The following CAST variants were observed in gnomAD, a reference collection of about 807,000 sequenced individuals.
CAST encodes the protein calpastatin.
In CAST, 76 loss-of-function variants were observed where a neutral mutation model predicts 119.6. The ratio of observed to expected loss-of-function variants is 0.64; its 90% CI spans 0.53 to 0.77. The LOEUF is 0.77. Ranked by LOEUF, CAST falls within the 30% of genes least tolerant of loss-of-function variation. The pLI, the probability that CAST is intolerant of heterozygous loss-of-function variation, is 0.00. For synonymous variants in CAST, 319 were observed against 331.6 expected, an observed-to-expected ratio of 0.96 and a Z score of 0.41; for missense variants, 953 against 946.5, an observed-to-expected ratio of 1.01 and a Z score of -0.09.
chr5:96,587,069 T>C (rs2150190633), intron 1 of CAST, among the ~76,000 whole-genome samples: 1 of 152,368 alleles, frequency 6.6e-6, no homozygotes, highest in South Asian at 2.1e-4. Flanking sequence ...GCCTCAGCTA[T>C]TATTGAACAG....
At chr5:96,189,567 A>G in the CAST span, among the ~76,000 whole-genome samples, 2 of 152,096 alleles carry the variant, frequency 1.3e-5, no homozygotes, top group East Asian at 3.9e-4. Flanking sequence ...GCAAAAAAGT[A>G]ATTTACTTTC....
At chr5:96,473,770 C>T in the CAST span, among the ~76,000 whole-genome samples, 182 of 152,214 alleles carry the variant, frequency 1.2e-3, no homozygotes, top group African/African-American at 3.9e-3. Context: ...ACTGACTGGG[C>T]GCATGACTGG....
intron 1 of CAST, among the ~76,000 whole-genome samples, chr5:96,561,804 T>TTTTTTTC (rs1746375248): frequency 2.6e-5 from 2 of 76,274 alleles, no homozygotes; most frequent in Non-Finnish European, 5.0e-5. Flanking sequence ...TTGTTTTTTT[T>TTTTTTTC]TTTTTTGAGA....
chr5:96,368,297 C>T, the CAST span, among the ~76,000 whole-genome samples: 127 of 151,862 alleles, frequency 8.4e-4, 1 homozygote, highest in African/African-American at 2.8e-3. Flanking sequence ...GTCAGGAGTT[C>T]GAGACCAGCC....
the CAST span, among the ~76,000 whole-genome samples, chr5:96,212,119 C>T: frequency 6.6e-6 from 1 of 151,936 alleles, no homozygotes; most frequent in African/African-American, 2.4e-5. Context: ...TTTCTGGTTT[C>T]ACATTAATTT....
the CAST span, among the ~76,000 whole-genome samples, chr5:96,053,660 CTT>C: frequency 6.6e-6 from 1 of 152,176 alleles, no homozygotes; most frequent in South Asian, 2.1e-4. Flanking sequence ...ATCAGTATCA[CTT>C]ATGACTTTTC....
chr5:96,491,175 C>T, the CAST span, among the ~76,000 whole-genome samples: 1 of 152,098 alleles, frequency 6.6e-6, no homozygotes, highest in African/African-American at 2.4e-5. Context: ...TCTGTACACT[C>T]ACCAGAGTGA....
intron 1 of CAST, among the ~76,000 whole-genome samples, chr5:96,566,584 A>G (rs538319111): frequency 2.6e-5 from 4 of 152,310 alleles, no homozygotes; most frequent in Non-Finnish European, 2.9e-5. Context: ...GACCCACTGT[A>G]TTCACTTACT....
the CAST span, among the ~76,000 whole-genome samples, chr5:96,286,116 A>T: frequency 6.6e-6 from 1 of 152,244 alleles, no homozygotes; most frequent in Non-Finnish European, 1.5e-5. Flanking sequence ...AAGATATAAG[A>T]GTTGCCCTTG....
chr5:96,392,922 A>G, the CAST span: 1 of 1,425,412 alleles, frequency 7.0e-7, no homozygotes, highest in Non-Finnish European at 9.9e-7. Flanking sequence ...TCATGACAAA[A>G]CAACCACTTC....
At chr5:96,036,293 C>T in the CAST span, among the ~76,000 whole-genome samples, 2 of 151,974 alleles carry the variant, frequency 1.3e-5, no homozygotes, top group South Asian at 4.2e-4. Flanking sequence ...AGATTTTGAA[C>T]TAAATGAATT....
chr5:96,666,828 C>G (rs1355783110), intron 1 of CAST, among the ~76,000 whole-genome samples: 1 of 152,120 alleles, frequency 6.6e-6, no homozygotes, highest in Non-Finnish European at 1.5e-5. Context: ...GGGGTGGGAA[C>G]AGTGGGGGGT....
chr5:96,324,849 CA>C, the CAST span, among the ~76,000 whole-genome samples: 3 of 151,844 alleles, frequency 2.0e-5, no homozygotes, highest in Non-Finnish European at 4.4e-5. Flanking sequence ...CAAGAGTAAA[CA>C]GGTTCTTATA....
chr5:96,642,651 C>T (rs1684718430), intron 1 of CAST, among the ~76,000 whole-genome samples: 2 of 151,516 alleles, frequency 1.3e-5, no homozygotes, highest in Admixed American at 6.6e-5. Context: ...AAGCAATTCT[C>T]GTGCTTCAGC....
chr5:96,629,211 G>C, intron 1 of CAST, among the ~76,000 whole-genome samples: 1 of 152,170 alleles, frequency 6.6e-6, no homozygotes, highest in Non-Finnish European at 1.5e-5. Context: ...CCAGCCTCTG[G>C]TACCTCTCTC....
In CAST at chr5:96,644,849, G is replaced by A. The variant is rs535954388; in HGVS notation, c.61-30690G>A. Among the ~76,000 whole-genome samples, 7 of 152,254 alleles carry A rather than the reference G, an allele frequency of 4.6e-5. 1 individual carries two copies. In the South Asian group the frequency reaches 1.5e-3, roughly 32 times the overall value. Reference sequence around the variant, plus strand: ...AATTAGCCTAGCAGTAGTGGCACGTGCCTGTAATTCCAGCTACTCAGGAGG... The same window carrying A: ...AATTAGCCTAGCAGTAGTGGCACGTACCTGTAATTCCAGCTACTCAGGAGG... On this transcript the variant is annotated intron_variant, in intron 1 of 11. Coordinates refer to the CAST transcript ENST00000505143.
the CAST span, among the ~76,000 whole-genome samples, chr5:96,437,864 T>C: frequency 6.6e-6 from 1 of 152,240 alleles, no homozygotes; most frequent in African/African-American, 2.4e-5. Flanking sequence ...CAACCCATTC[T>C]TTGGTTTGGA....
chr5:96,600,703 C>A (rs143449308), intron 1 of CAST, among the ~76,000 whole-genome samples: 1 of 152,102 alleles, frequency 6.6e-6, no homozygotes, highest in Non-Finnish European at 1.5e-5. Flanking sequence ...TAATCCTCTG[C>A]GCAAAACTGA....
intron 1 of CAST, among the ~76,000 whole-genome samples, chr5:96,552,429 G>A (rs1746151221): frequency 6.6e-6 from 1 of 152,116 alleles, no homozygotes; most frequent in Admixed American, 6.5e-5. Flanking sequence ...GTGTGTAGAG[G>A]GAAATTTATA....
Sources: allele counts gnomAD v4.1 joint callset (sites outside exome capture counted in the v4.1 genomes callset), GRCh38; gene constraint gnomAD v4.1.1; transcripts MANE v1.5; gene names NCBI Gene and HGNC (gene_info 2026-07-23, HGNC 2026-07-21).